GOLPH3: variants seen among roughly 807,000 people sequenced by gnomAD.
The protein encoded by GOLPH3 is coat protein GPP34.
GOLPH3 carries 14 observed loss-of-function variants against 28.5 expected under a neutral mutation model. That is an observed-to-expected ratio of 0.49 (90% CI 0.32 to 0.77). The LOEUF (loss-of-function observed/expected upper bound fraction) is 0.77, where lower values mean the gene tolerates loss of function less well. GOLPH3 is among the 30% of genes least tolerant of loss of function. The pLI is 0.03. For synonymous variants in GOLPH3, 158 were observed against 159.2 expected, an observed-to-expected ratio of 0.99 and a Z score of 0.06; for missense variants, 350 against 393.7, an observed-to-expected ratio of 0.89 and a Z score of 0.94.
intron 1 of GOLPH3, among the ~76,000 whole-genome samples, chr5:32,160,594 G>A (rs534058271): frequency 1.3e-5 from 2 of 152,308 alleles, no homozygotes; most frequent in East Asian, 3.9e-4. Context: ...GCAATACTAG[G>A]CATTGTGCTA....
At chr5:32,126,845 G>A (rs1745693627) in intron 3 of GOLPH3, among the ~76,000 whole-genome samples, 1 of 152,140 alleles carries the variant, frequency 6.6e-6, no homozygotes, top group African/African-American at 2.4e-5. Flanking sequence ...AGCCACAGGA[G>A]TCACTCAGAC....
At chr5:32,149,500 T>C (rs1427255446) in intron 1 of GOLPH3, among the ~76,000 whole-genome samples, 3 of 152,204 alleles carry the variant, frequency 2.0e-5, no homozygotes, top group African/African-American at 7.2e-5. Flanking sequence ...ATATGGCATA[T>C]GAATCATATC....
intron 1 of GOLPH3, among the ~76,000 whole-genome samples, chr5:32,170,495 T>C (rs1448115164): frequency 6.6e-6 from 1 of 152,204 alleles, no homozygotes; most frequent in Non-Finnish European, 1.5e-5. Context: ...GAAGTAAAAA[T>C]CAGTTAAAGC....
In GOLPH3 at chr5:32,142,938, G is replaced by A. The variant is rs555500111; in HGVS notation, c.357+811C>T. 3.9e-5 allele frequency among the ~76,000 whole-genome samples: 6 copies of A among 152,200 alleles called. No homozygotes were observed. In the South Asian group the frequency reaches 8.3e-4, roughly 21 times the overall value. On this transcript the variant is annotated intron_variant, in intron 2 of 3. Transcript: ENST00000265070. ...AGCCCCTCTGCCCGGCCACCACCCC[G>A]TCTGGGAGGTGTACCCAACAGCTCA...
At chr5:32,140,594 C>T (rs1241811875) in intron 2 of GOLPH3, among the ~76,000 whole-genome samples, 2 of 148,672 alleles carry the variant, frequency 1.3e-5, no homozygotes, top group African/African-American at 2.5e-5. Flanking sequence ...GATAGGGAGG[C>T]GGAGGTTACA....
chr5:32,151,210 T>TA (rs1427668984), intron 1 of GOLPH3, among the ~76,000 whole-genome samples: 5 of 147,442 alleles, frequency 3.4e-5, no homozygotes, highest in African/African-American at 1.2e-4. Flanking sequence ...TTCCTAAAAA[T>TA]AAAGTTGCTT....
rs1403660221 is a variant in GOLPH3 at position 32,125,726 on chromosome 5, A to C, written c.*486T>G. ...ACTGTGCTGTTTCAATTTAAAAATA[A>C]TTTTGCTAAGTATACATCTCAACTG... On this transcript the variant is annotated 3_prime_UTR_variant, in exon 4 of 4. Coordinates refer to ENST00000265070, the MANE Select transcript of GOLPH3 (RefSeq NM_022130.4). The C allele has an allele frequency of 6.5e-6, 1 of 153,208 alleles. No individual in the cohort carries two copies. Among genetic ancestry groups the C allele is most frequent in the African/African-American group, 2.4e-5 (1 of 41,462 alleles). The allele number at this position is 153,208 out of a possible 1,614,324, so 9.5% of individuals were successfully genotyped here.
intron 1 of GOLPH3, among the ~76,000 whole-genome samples, chr5:32,160,225 T>G (rs1044872302): frequency 6.6e-6 from 1 of 152,098 alleles, no homozygotes; most frequent in Non-Finnish European, 1.5e-5. Context: ...AGTAATAAAT[T>G]TCTATTTGTT....
rs79705323 is a variant in GOLPH3 at position 32,136,825 on chromosome 5, C to A, written c.358-1139G>T. On this transcript the variant is annotated intron_variant, in intron 2 of 3. Coordinates refer to ENST00000265070, the MANE Select transcript of GOLPH3 (RefSeq NM_022130.4). ...CCAAAATCTTAAACATTTCTGTTAC[C>A]AAGCATTTCAGATATAGGATACTCA... Among the ~76,000 whole-genome samples the A allele has an allele frequency of 7.0e-3, 1,068 of 152,220 alleles. 14 individuals carry two copies. The highest frequency in any genetic ancestry group is 0.025 in the African/African-American group (1,024 of 41,544).
Position 32,161,020 on chromosome 5 carries a change from T to G in GOLPH3, c.225+12790A>C, listed in dbSNP as rs569784319. Among the ~76,000 whole-genome samples, 630 of 128,194 alleles carry G rather than the reference T, an allele frequency of 4.9e-3. 22 individuals are homozygous for G. The highest frequency in any genetic ancestry group is 0.018 in the African/African-American group (590 of 32,102). 84.1% of individuals were successfully genotyped at this position (128,194 alleles called of 152,430 possible). A position where few individuals can be genotyped will look rare whatever the true frequency, so the allele number is the denominator to read the frequency against. ...AGGCGGAGCCTGCAGTGAGCCGAGATCGCGCCACTGCACTCCAGCCTGGGT... is the reference window on the plus strand; with the variant it reads ...AGGCGGAGCCTGCAGTGAGCCGAGAGCGCGCCACTGCACTCCAGCCTGGGT... On this transcript the variant is annotated intron_variant, in intron 1 of 3. Transcript: ENST00000265070.
chr5:32,165,509 G>A (rs1384008848), intron 1 of GOLPH3, among the ~76,000 whole-genome samples: 1 of 152,096 alleles, frequency 6.6e-6, no homozygotes, highest in Non-Finnish European at 1.5e-5. Context: ...CTTGAACCCA[G>A]GAGGCAGAGG....
intron 3 of GOLPH3, among the ~76,000 whole-genome samples, chr5:32,132,364 G>A (rs910779957): frequency 7.2e-5 from 11 of 152,100 alleles, no homozygotes; most frequent in African/African-American, 2.4e-4. Flanking sequence ...TTGGCTTCAC[G>A]GCAAGGAATC....
chr5:32,135,140 T>C (rs759157924), intron 3 of GOLPH3, among the ~76,000 whole-genome samples: 6 of 152,200 alleles, frequency 3.9e-5, no homozygotes, highest in African/African-American at 9.7e-5. Context: ...CCTTTTATTA[T>C]AGTGACTGAT....
At chr5:32,165,456 G>A (rs1263236105) in intron 1 of GOLPH3, among the ~76,000 whole-genome samples, 1 of 152,124 alleles carries the variant, frequency 6.6e-6, no homozygotes, top group African/African-American at 2.4e-5. Flanking sequence ...GGTGGTGAGT[G>A]CCTGTAATCC....
chr5:32,167,588 T>G (rs1397456069), intron 1 of GOLPH3, among the ~76,000 whole-genome samples: 2 of 152,202 alleles, frequency 1.3e-5, no homozygotes, highest in African/African-American at 4.8e-5. Context: ...GTGAATATTT[T>G]GACCATATTG....
chr5:32,127,991 G>A lies in GOLPH3; in HGVS notation c.473-1355C>T, dbSNP rs545575323. The stretch of plus-strand genomic sequence containing the variant: ...AAGCAGAGCACAGCAGTCCCATCAC[G>A]TTAAGGCAGCAGAGATCAGAGTTCA... On this transcript the variant is annotated intron_variant, in intron 3 of 3. Coordinates refer to ENST00000265070, the MANE Select transcript of GOLPH3 (RefSeq NM_022130.4). 1.2e-3 allele frequency among the ~76,000 whole-genome samples: 187 copies of A among 152,044 alleles called. 1 individual carries two copies. Among genetic ancestry groups the A allele is most frequent in the South Asian group, 2.3e-3 (11 of 4,800 alleles).
intron 1 of GOLPH3, among the ~76,000 whole-genome samples, chr5:32,160,062 A>C (rs1453252963): frequency 6.6e-6 from 1 of 152,212 alleles, no homozygotes; most frequent in Non-Finnish European, 1.5e-5. Flanking sequence ...TGCTGCATAA[A>C]GCAAAAACTG....
At chr5:32,166,291 C>T (rs1413119334) in intron 1 of GOLPH3, among the ~76,000 whole-genome samples, 2 of 152,130 alleles carry the variant, frequency 1.3e-5, no homozygotes, top group Admixed American at 6.6e-5. Flanking sequence ...TGTGTTTTTG[C>T]AGATGAGAGG....
chr5:32,162,907 T>C (rs1178895179), intron 1 of GOLPH3, among the ~76,000 whole-genome samples: 1 of 151,990 alleles, frequency 6.6e-6, no homozygotes, highest in Non-Finnish European at 1.5e-5. Context: ...TGAAACCCCG[T>C]CTCTACCAAA....
Sources: gnomAD v4.1 joint callset for allele counts (sites outside exome capture counted in the v4.1 genomes callset) on GRCh38, gnomAD v4.1.1 for gene constraint, MANE v1.5 for transcripts, NCBI Gene and HGNC (gene_info 2026-07-23, HGNC 2026-07-21) for gene names.